Variants in MYRIP observed in about 807,000 individuals in gnomAD.
MYRIP encodes myosin VIIA and Rab interacting protein, also known as rab effector MyRIP.
MYRIP carries 49 observed loss-of-function variants against 98.0 expected under a neutral mutation model. The ratio of observed to expected loss-of-function variants is 0.50; its 90% CI spans 0.40 to 0.63. MYRIP has a LOEUF of 0.63. Among genes scored for constraint, MYRIP ranks in the 30% least tolerant of loss-of-function variants. MYRIP has a pLI of 0.00. For missense variants in MYRIP, 1,004 were observed against 1,058.2 expected (o/e 0.95, Z 0.71); for synonymous variants, 404 against 409.5 (o/e 0.99, Z 0.16).
chr3:40,201,248 A>G (rs1333598074), intron 10 of MYRIP, among the ~76,000 whole-genome samples: 1 of 152,218 alleles, frequency 6.6e-6, no homozygotes, highest in East Asian at 1.9e-4. Context: ...TGGAATTGCC[A>G]TAATTCTGGG....
rs541081369 is a variant in MYRIP, at chr3:40,071,027, C to T, written c.332+26756C>T. 6 of 542,966 alleles carry T rather than the reference C, an allele frequency of 1.1e-5. No homozygotes were observed. The South Asian group carries it at 3.2e-4, about 29-fold the overall frequency. The allele number at this position is 542,966 out of a possible 1,614,324, so 33.6% of individuals were successfully genotyped here. A position where few individuals can be genotyped will look rare whatever the true frequency, so the allele number is the denominator to read the frequency against. ...GACCTCCCACATGGAGTGAGTCACA[C>T]AAGATGTCAGGCAAAGCCAAAGCAA... is the stretch of plus-strand genomic sequence containing the variant. On this transcript the variant is annotated intron_variant, in intron 3 of 16. Coordinates refer to ENST00000302541, the MANE Select transcript of MYRIP (RefSeq NM_015460.4).
intron 1 of MYRIP, among the ~76,000 whole-genome samples, chr3:39,850,569 A>T (rs1942100797): frequency 7.1e-6 from 1 of 141,688 alleles, no homozygotes; most frequent in South Asian, 2.1e-4. Flanking sequence ...TATTCTCCTT[A>T]AAAAAATCTA....
chr3:39,922,526 G>C (rs528399430), intron 2 of MYRIP, among the ~76,000 whole-genome samples: 4 of 152,270 alleles, frequency 2.6e-5, no homozygotes, highest in Non-Finnish European at 4.4e-5. Context: ...AGGCCTAGTG[G>C]AGAGTAAAAA....
At chr3:40,122,164 A>G (rs1559409387) in intron 3 of MYRIP, among the ~76,000 whole-genome samples, 1 of 152,118 alleles carries the variant, frequency 6.6e-6, no homozygotes, top group Non-Finnish European at 1.5e-5. Flanking sequence ...GAGCAACATT[A>G]ACTCAGAAAG....
At chr3:40,224,293 G>A (rs1447134440) in intron 11 of MYRIP, among the ~76,000 whole-genome samples, 1 of 152,044 alleles carries the variant, frequency 6.6e-6, no homozygotes, top group Admixed American at 6.6e-5. Context: ...TGTGGAAAGT[G>A]ATTTCAGGTC....
intron 1 of MYRIP, among the ~76,000 whole-genome samples, chr3:39,883,719 T>C (rs1003992984): frequency 1.2e-4 from 18 of 151,974 alleles, no homozygotes; most frequent in African/African-American, 4.3e-4. Flanking sequence ...AGATTTAATA[T>C]ACATGAAGAG....
At chr3:39,996,244 G>A (rs544625754) in intron 2 of MYRIP, among the ~76,000 whole-genome samples, 2 of 152,276 alleles carry the variant, frequency 1.3e-5, no homozygotes, top group East Asian at 3.9e-4. Flanking sequence ...TGGCAAATTG[G>A]ATAAAGAGTC....
intron 2 of MYRIP, among the ~76,000 whole-genome samples, chr3:39,996,668 C>G (rs565962832): frequency 3.9e-5 from 6 of 152,188 alleles, no homozygotes; most frequent in Non-Finnish European, 8.8e-5. Flanking sequence ...GAACTCAGCT[C>G]TGCACCAAGT....
intron 2 of MYRIP, among the ~76,000 whole-genome samples, chr3:39,973,135 G>C (rs1451716684): frequency 6.6e-6 from 1 of 152,018 alleles, no homozygotes; most frequent in Non-Finnish European, 1.5e-5. Context: ...AGACCCATCA[G>C]GGTGCTGTAT....
At chr3:40,237,162 TTA>T (rs1035871971) in intron 12 of MYRIP, among the ~76,000 whole-genome samples, 1 of 151,930 alleles carries the variant, frequency 6.6e-6, no homozygotes, top group African/African-American at 2.4e-5. Context: ...ATGAATAAAA[TTA>T]TATATATATG....
chr3:40,028,283 C>A (rs1301429219), intron 2 of MYRIP, among the ~76,000 whole-genome samples: 1 of 152,114 alleles, frequency 6.6e-6, no homozygotes, highest in East Asian at 1.9e-4. Flanking sequence ...TAAGAAGATA[C>A]TGCTAAAGAT....
At chr3:40,116,476 C>A (rs910770270) in intron 3 of MYRIP, among the ~76,000 whole-genome samples, 18 of 152,174 alleles carry the variant, frequency 1.2e-4, no homozygotes, top group Non-Finnish European at 2.4e-4. Flanking sequence ...ATCTCTCTTT[C>A]ATTTTCCCTT....
intron 11 of MYRIP, among the ~76,000 whole-genome samples, chr3:40,210,773 T>A (rs746326670): frequency 6.6e-5 from 10 of 152,112 alleles, no homozygotes; most frequent in Admixed American, 2.0e-4. Flanking sequence ...AAGGACACAG[T>A]TGGAAAACCA....
rs567465529 is a variant in MYRIP, at chr3:40,166,948, G to A, written c.648+5G>A. 3 of 1,609,286 alleles carry A rather than the reference G, an allele frequency of 1.9e-6. No homozygotes were observed. Among genetic ancestry groups the A allele is most frequent in the Admixed American group, 1.7e-5 (1 of 59,986 alleles). ...GAGGCATATGGGGACAGCCTGGTAG[G>A]GCCCCTCCTGCTCCTCTCTGTGGGG... On this transcript the variant is annotated splice_donor_5th_base_variant and intron_variant, in intron 6 of 16. Coordinates refer to ENST00000302541, the MANE Select transcript of MYRIP (RefSeq NM_015460.4).
chr3:40,158,362 T>A (rs1023023008), intron 4 of MYRIP, among the ~76,000 whole-genome samples: 22 of 152,294 alleles, frequency 1.4e-4, no homozygotes, highest in East Asian at 3.9e-4. Flanking sequence ...TCTGAGAGAC[T>A]GTTTGTTATA....
chr3:40,022,831 C>A (rs1024039228), intron 2 of MYRIP, among the ~76,000 whole-genome samples: 1 of 152,078 alleles, frequency 6.6e-6, no homozygotes, highest in Admixed American at 6.5e-5. Flanking sequence ...GGAAAAAATA[C>A]AGGAGTGGAA....
intron 3 of MYRIP, among the ~76,000 whole-genome samples, chr3:40,086,927 C>T (rs1948639300): frequency 1.3e-5 from 2 of 151,978 alleles, no homozygotes; most frequent in African/African-American, 2.4e-5. Context: ...GCATTCAGAG[C>T]TCTGGGGTAG....
intron 8 of MYRIP, among the ~76,000 whole-genome samples, chr3:40,175,002 G>A (rs1950716972): frequency 1.3e-5 from 2 of 152,094 alleles, no homozygotes; most frequent in Non-Finnish European, 2.9e-5. Flanking sequence ...AATTAGCCGG[G>A]CATGGTGGTG....
intron 10 of MYRIP, among the ~76,000 whole-genome samples, chr3:40,197,782 C>T (rs938745100): frequency 1.3e-5 from 2 of 152,180 alleles, no homozygotes; most frequent in African/African-American, 4.8e-5. Flanking sequence ...TTCAGGCTAA[C>T]TTGTTTCCTT....
Sources: allele counts gnomAD v4.1 joint callset (sites outside exome capture counted in the v4.1 genomes callset), GRCh38; gene constraint gnomAD v4.1.1; transcripts MANE v1.5; gene names NCBI Gene and HGNC (gene_info 2026-07-23, HGNC 2026-07-21).